Variants in DDX4 observed in about 807,000 individuals in gnomAD.
DDX4 encodes DEAD-box helicase 4.
A neutral mutation model predicts 100.0 loss-of-function variants in DDX4; 25 were observed. That is an observed-to-expected ratio of 0.25 (90% CI 0.18 to 0.35). The LOEUF is 0.35. Among genes scored for constraint, DDX4 ranks in the 10% least tolerant of loss-of-function variants. DDX4 has a pLI of 1.00. For synonymous variants in DDX4, 259 were observed against 275.7 expected (o/e 0.94, Z 0.60); for missense variants, 635 against 882.4 (o/e 0.72, Z 3.55).
chr5:55,767,860 C>T, intron 6 of DDX4, 21 bp from the exon 7 acceptor site: 1 of 1,596,014 alleles, frequency 6.3e-7, no homozygotes, highest in Non-Finnish European at 8.6e-7. Flanking sequence ...ATGCTATTTA[C>T]ATGTTAAATT....
chr5:55,815,594 T>A (rs905320412), intron 21 of DDX4, among the ~76,000 whole-genome samples, 171 bp downstream of exon 21: 5 of 152,192 alleles, frequency 3.3e-5, no homozygotes, highest in Admixed American at 1.3e-4. Flanking sequence ...TATTTTTGGT[T>A]TTAAAGGTCA....
chr5:55,795,733 C>T (rs1425340148), intron 17 of DDX4, among the ~76,000 whole-genome samples: 1 of 152,134 alleles, frequency 6.6e-6, no homozygotes, highest in Non-Finnish European at 1.5e-5. Context: ...TGATTGTGTG[C>T]CCCTGTACTC....
intron 14 of DDX4, 137 bp downstream of exon 14, chr5:55,786,807 CT>C: frequency 1.5e-6 from 1 of 687,914 alleles, no homozygotes; most frequent in Non-Finnish European, 2.5e-6. Flanking sequence ...GGTTTTGCTT[CT>C]GATTTTTATT....
intron 6 of DDX4, among the ~76,000 whole-genome samples, chr5:55,764,411 CAAAT>C (rs1252646021): frequency 2.0e-5 from 3 of 152,032 alleles, no homozygotes. Context: ...CATTTAGATT[CAAAT>C]AAATCTAAGA....
Position 55,790,697 on chromosome 5 carries a change from A to G in DDX4, c.1294A>G (p.Lys432Glu). The G allele has an allele frequency of 6.2e-7, 1 of 1,612,076 alleles. No individual in the cohort carries two copies. Among genetic ancestry groups the G allele is most frequent in the Non-Finnish European group, 8.5e-7 (1 of 1,178,516 alleles). ...TPGRLMDIIG[K>E]EKIGLKQIKY... Reference sequence around the variant, plus strand: ...TGGAAGACTGATGGATATCATAGGCAAAGAAAAGGTACGCCTTATAGGAAT... The same window carrying G: ...TGGAAGACTGATGGATATCATAGGCGAAGAAAAGGTACGCCTTATAGGAAT... The change falls in exon 16 of 22, where the codon AAA becomes GAA. Residue 432 changes from lysine to glutamate, a missense_variant. Coordinates refer to ENST00000505374, the MANE Select transcript of DDX4 (RefSeq NM_024415.3).
At chr5:55,803,009 T>C (rs555137860) in intron 18 of DDX4, among the ~76,000 whole-genome samples, 1 of 152,270 alleles carries the variant, frequency 6.6e-6, no homozygotes, top group Admixed American at 6.5e-5. Context: ...GCAGGTTTGT[T>C]ACGTATGTAT....
At chr5:55,763,950 C>G (rs1182129796) in intron 5 of DDX4, 64 bp from the exon 6 acceptor site, 4 of 1,138,496 alleles carry the variant, frequency 3.5e-6, no homozygotes. Context: ...ACTAGTAGTT[C>G]CTGTGTGGTT....
In DDX4 at chr5:55,788,551, A is replaced by G. The variant is rs1429757319; in HGVS notation, c.1172+551A>G. On this transcript the variant is annotated intron_variant, in intron 15 of 21. Transcript: ENST00000505374. ...TGGTATTATTTCTTGGTAGTTTTTA[A>G]TGTATATTTAAAAATGAACTCAGGG... 2.6e-5 allele frequency among the ~76,000 whole-genome samples: 4 copies of G among 152,244 alleles called. No individual in the cohort carries two copies. The East Asian group carries it at 7.7e-4, about 29-fold the overall frequency.
intron 2 of DDX4, among the ~76,000 whole-genome samples, chr5:55,740,784 T>G (rs1291779271): frequency 6.6e-6 from 1 of 151,878 alleles, no homozygotes; most frequent in Non-Finnish European, 1.5e-5. Flanking sequence ...CCTCCCAAAG[T>G]GCTGGGATTA....
chr5:55,788,302 C>G (rs1159492780), intron 15 of DDX4, among the ~76,000 whole-genome samples: 2 of 151,898 alleles, frequency 1.3e-5, no homozygotes, highest in African/African-American at 4.8e-5. Context: ...TGGCAAGACC[C>G]CATCTCTACA....
chr5:55,795,150 A>C (rs905946621), intron 17 of DDX4, among the ~76,000 whole-genome samples: 3 of 152,000 alleles, frequency 2.0e-5, no homozygotes, highest in Non-Finnish European at 4.4e-5. Flanking sequence ...TTTTTAGTAG[A>C]GATGGGGTTT....
At chr5:55,793,415 A>G (rs923802522) in intron 17 of DDX4, among the ~76,000 whole-genome samples, 1 of 152,136 alleles carries the variant, frequency 6.6e-6, no homozygotes, top group Non-Finnish European at 1.5e-5. Flanking sequence ...TTACTTTATA[A>G]TGGTTTATCA....
intron 10 of DDX4, among the ~76,000 whole-genome samples, chr5:55,782,924 C>A (rs1183674297): frequency 6.6e-6 from 1 of 150,836 alleles, no homozygotes; most frequent in Non-Finnish European, 1.5e-5. Flanking sequence ...GCCTCCCTAG[C>A]AGCTGGATTA....
At chr5:55,777,711 C>G (rs1741653581) in intron 7 of DDX4, 2 of 152,124 alleles carry the variant, frequency 1.3e-5, no homozygotes. Flanking sequence ...ACCTATGTAA[C>G]AAACCTGCAC....
Position 55,742,817 on chromosome 5 carries a change from G to A in DDX4, c.70-3347G>A, listed in dbSNP as rs146293159. 5.9e-5 allele frequency among the ~76,000 whole-genome samples: 9 copies of A among 152,224 alleles called. No individual in the cohort carries two copies. In the East Asian group the frequency reaches 1.4e-3, roughly 23 times the overall value. On this transcript the variant is annotated intron_variant, in intron 2 of 21. Coordinates refer to ENST00000505374, the MANE Select transcript of DDX4 (RefSeq NM_024415.3). Reference sequence around the variant, plus strand: ...TTTTACTGGAGAAGACAGAATAAGCGCGTTTGAGAACCAAATAATTATAGT... The same window carrying A: ...TTTTACTGGAGAAGACAGAATAAGCACGTTTGAGAACCAAATAATTATAGT...
chr5:55,787,809 T>C, intron 14 of DDX4, 37 bp from the exon 15 acceptor site: 1 of 1,600,144 alleles, frequency 6.2e-7, no homozygotes, highest in Non-Finnish European at 8.5e-7. Context: ...AAAAGTGTTG[T>C]GCTATAAGTT....
chr5:55,763,905 A>G (rs1283543403), intron 5 of DDX4, 109 bp from the exon 6 acceptor site: 1 of 745,236 alleles, frequency 1.3e-6, no homozygotes, highest in Non-Finnish European at 2.3e-6. Flanking sequence ...AGCTATGTAT[A>G]CAATTGTGTA....
chr5:55,813,586 C>A lies in DDX4; in HGVS notation c.1616-87C>A. 3.5e-6 allele frequency: 5 copies of A among 1,423,150 alleles called. No homozygotes were observed. The East Asian group carries it at 1.0e-4, about 29-fold the overall frequency. 88.2% of individuals were successfully genotyped at this position (1,423,150 alleles called of 1,614,324 possible). On this transcript the variant is annotated intron_variant, in intron 18 of 21. Transcript: ENST00000505374. ...GTAAATACAGTGGTGGACAAAGTTT[C>A]ATATTCAAGCACTGCCTCCTATCCC...
chr5:55,809,014 G>A (rs1427213576), intron 18 of DDX4, among the ~76,000 whole-genome samples: 1 of 152,246 alleles, frequency 6.6e-6, no homozygotes, highest in African/African-American at 2.4e-5. Context: ...CCTAGGCAAT[G>A]GCAGGTGCCC....
Sources: allele counts gnomAD v4.1 joint callset (sites outside exome capture counted in the v4.1 genomes callset), GRCh38; gene constraint gnomAD v4.1.1; transcripts MANE v1.5; gene names NCBI Gene and HGNC (gene_info 2026-07-23, HGNC 2026-07-21).